The following SPNS3 variants were observed in gnomAD, a reference collection of about 807,000 sequenced individuals.
SPNS3 encodes protein spinster homolog 3.
Under a neutral mutation model 54.4 loss-of-function variants are expected in SPNS3, and 51 were observed. The ratio of observed to expected loss-of-function variants is 0.94; its 90% CI spans 0.75 to 1.18. The LOEUF (loss-of-function observed/expected upper bound fraction) is 1.18, where lower values mean the gene tolerates loss of function less well. Ranked by LOEUF, SPNS3 falls within the 50% of genes most tolerant of loss-of-function variation. The pLI is 0.00. For missense variants in SPNS3, 669 were observed against 677.4 expected, an observed-to-expected ratio of 0.99 and a Z score of 0.14; for synonymous variants, 309 against 294.7, an observed-to-expected ratio of 1.05 and a Z score of -0.50.
intron 3 of SPNS3, 118 bp downstream of exon 3, chr17:4,445,286 G>C: frequency 9.0e-7 from 1 of 1,106,874 alleles, no homozygotes; most frequent in Non-Finnish European, 1.3e-6. Flanking sequence ...GCTGTGACTG[G>C]ATCAGGGATT....
chr17:4,468,938 C>A (rs967594190), intron 8 of SPNS3, among the ~76,000 whole-genome samples: 1 of 151,602 alleles, frequency 6.6e-6, no homozygotes, highest in Non-Finnish European at 1.5e-5. Flanking sequence ...ATGGGGCATG[C>A]CACCAGGCCC....
intron 8 of SPNS3, among the ~76,000 whole-genome samples, chr17:4,464,807 A>C (rs1971634637): frequency 6.6e-6 from 1 of 151,986 alleles, no homozygotes; most frequent in South Asian, 2.1e-4. Context: ...CAACCTCCTG[A>C]GTAGCGGGAT....
intron 8 of SPNS3, among the ~76,000 whole-genome samples, chr17:4,474,395 C>T (rs999540649): frequency 1.3e-5 from 2 of 152,050 alleles, no homozygotes; most frequent in South Asian, 2.1e-4. Context: ...AGAGATCGTC[C>T]GTGAGGGAGG....
intron 1 of SPNS3, among the ~76,000 whole-genome samples, chr17:4,435,190 A>G (rs1034775548): frequency 5.3e-5 from 8 of 152,048 alleles, no homozygotes; most frequent in African/African-American, 1.9e-4. Flanking sequence ...TGGGAGGCCA[A>G]GGTGGGCGGA....
chr17:4,464,620 T>C (rs1161701731), intron 8 of SPNS3, among the ~76,000 whole-genome samples: 1 of 152,128 alleles, frequency 6.6e-6, no homozygotes, highest in African/African-American at 2.4e-5. Context: ...AAAATGGGAG[T>C]GCTACTCTTT....
chr17:4,454,489 A>G (rs1047622461), intron 8 of SPNS3, among the ~76,000 whole-genome samples: 4 of 151,786 alleles, frequency 2.6e-5, no homozygotes, highest in East Asian at 1.9e-4. Flanking sequence ...TTGTCCTCAC[A>G]CTAGTTTGGC....
At chr17:4,480,136 C>T (rs1468751345) in intron 9 of SPNS3, among the ~76,000 whole-genome samples, 12 of 152,124 alleles carry the variant, frequency 7.9e-5, no homozygotes, top group Non-Finnish European at 2.9e-5. Context: ...TCCCCACGGC[C>T]CAGGCCCAGC....
At chr17:4,445,228 G>C (rs1247931723) in intron 3 of SPNS3, 60 bp downstream of exon 3, 3 of 1,536,630 alleles carry the variant, frequency 2.0e-6, no homozygotes, top group East Asian at 4.5e-5. Flanking sequence ...CTTCCTCCCT[G>C]ATTCAGCCCC....
rs1024775595 is a variant in SPNS3, at chr17:4,452,957, A to G, written c.924-59A>G. On this transcript the variant is annotated intron_variant, in intron 7 of 11. Transcript: ENST00000355530. Reference sequence around the variant, plus strand: ...CTAGACCTGGGGCTGGGAGCAGGATAAGAGTCCCTATGCTAAGCTCACCCA... The same window carrying G: ...CTAGACCTGGGGCTGGGAGCAGGATGAGAGTCCCTATGCTAAGCTCACCCA... 2.6e-6 allele frequency: 4 copies of G among 1,519,216 alleles called. No homozygotes were observed. In the East Asian group the frequency reaches 9.0e-5, roughly 34 times the overall value. The allele number at this position is 1,519,216 out of a possible 1,614,324, so 94.1% of individuals were successfully genotyped here. A position where few individuals can be genotyped will look rare whatever the true frequency, so the allele number is the denominator to read the frequency against.
At chr17:4,469,103 A>G (rs1002446823) in intron 8 of SPNS3, among the ~76,000 whole-genome samples, 1 of 150,032 alleles carries the variant, frequency 6.7e-6, no homozygotes, top group Non-Finnish European at 1.5e-5. Flanking sequence ...CCTGTTTTCT[A>G]AGACAGGTTC....
intron 4 of SPNS3, 45 bp from the exon 5 acceptor site, chr17:4,446,851 G>T: frequency 6.3e-7 from 1 of 1,587,770 alleles, no homozygotes; most frequent in Non-Finnish European, 8.6e-7. Context: ...TCTGCCTTCC[G>T]CCTCCCTCCC....
At chr17:4,480,446 A>G (rs1972121248) in intron 9 of SPNS3, among the ~76,000 whole-genome samples, 1 of 152,194 alleles carries the variant, frequency 6.6e-6, no homozygotes, top group East Asian at 1.9e-4. Context: ...ACATCCCCCC[A>G]GCATAGCTGG....
At chr17:4,461,802 G>A (rs1299404798) in intron 8 of SPNS3, among the ~76,000 whole-genome samples, 1 of 152,128 alleles carries the variant, frequency 6.6e-6, no homozygotes, top group Non-Finnish European at 1.5e-5. Context: ...GCAGGAAAGT[G>A]AGCAGGAGCA....
intron 8 of SPNS3, among the ~76,000 whole-genome samples, chr17:4,468,602 G>T (rs1971749113): frequency 6.6e-6 from 1 of 151,980 alleles, no homozygotes; most frequent in Admixed American, 6.6e-5. Context: ...GACTGAGGGA[G>T]GGGCAGGGGT....
At chr17:4,453,356 A>C in intron 8 of SPNS3, 151 bp downstream of exon 8, 1 of 791,708 alleles carries the variant, frequency 1.3e-6, no homozygotes, top group East Asian at 2.7e-5. Context: ...CAGATCAGTA[A>C]AGAGAAGCTT....
chr17:4,455,549 G>C (rs1160771639), intron 8 of SPNS3, among the ~76,000 whole-genome samples: 1 of 152,156 alleles, frequency 6.6e-6, no homozygotes, highest in African/African-American at 2.4e-5. Context: ...TGCCTTTCCA[G>C]CCAGGCTGTC....
chr17:4,486,423 CCTGCGGGCCAGGCGCCCTGA>C lies in SPNS3; in HGVS notation c.1293_1312del (p.Arg432LeufsTer52), dbSNP rs777302521. ...CTTCTCCTCCGCAGATCTCTAGTGT[CCTGCGGGCCAGGCGCCCTGA>C]CTCCTATCTGCAGCGCTTCCGCAGC... On this transcript the variant is annotated frameshift_variant, in exon 11 of 12. Coordinates refer to ENST00000355530, the MANE Select transcript of SPNS3 (RefSeq NM_182538.5). LOFTEE classifies it high-confidence loss of function. This position sits in a 1 kb window ranked among gnomAD's most constrained non-coding sequence, Gnocchi z 5.5. 2 of 1,608,402 alleles carry C rather than the reference CCTGCGGGCCAGGCGCCCTGA, an allele frequency of 1.2e-6. No individual in the cohort carries two copies. Among genetic ancestry groups the C allele is most frequent in the African/African-American group, 2.7e-5 (2 of 74,920 alleles).
chr17:4,471,522 GT>G (rs557378484), intron 8 of SPNS3, among the ~76,000 whole-genome samples: 230 of 152,240 alleles, frequency 1.5e-3, no homozygotes, highest in Non-Finnish European at 2.5e-3. Flanking sequence ...CTGGAGTGCA[GT>G]GGTGCAATCA....
chr17:4,487,034 C>T (rs141700622), intron 11 of SPNS3, among the ~76,000 whole-genome samples: 2,090 of 151,766 alleles, frequency 0.014, 42 homozygotes, highest in African/African-American at 0.048. Context: ...TAGCCAGGTG[C>T]GGTGGCACAC....
Sources: allele counts gnomAD v4.1 joint callset (sites outside exome capture counted in the v4.1 genomes callset), GRCh38; gene constraint gnomAD v4.1.1; non-coding constraint Gnocchi (gnomAD v3.1); transcripts MANE v1.5; gene names NCBI Gene and HGNC (gene_info 2026-07-23, HGNC 2026-07-21).